RUSC2: variants seen among roughly 807,000 people sequenced by gnomAD.
RUSC2 encodes the protein AP-4 complex accessory subunit RUSC2.
A neutral mutation model predicts 122.2 loss-of-function variants in RUSC2; 34 were observed. The ratio of observed to expected loss-of-function variants is 0.28; its 90% confidence interval spans 0.21 to 0.37. The LOEUF (loss-of-function observed/expected upper bound fraction) is 0.37, where lower values mean the gene tolerates loss of function less well. Among genes scored for constraint, RUSC2 ranks in the 10% least tolerant of loss-of-function variants. The pLI, the probability that RUSC2 is intolerant of heterozygous loss-of-function variation, is 1.00. For missense variants in RUSC2, 1,747 were observed against 1,952.4 expected, an observed-to-expected ratio of 0.89 and a Z score of 1.98; for synonymous variants, 784 against 790.0, an observed-to-expected ratio of 0.99 and a Z score of 0.13.
chr9:35,541,222 T>G (rs1183613683), intron 1 of RUSC2, among the ~76,000 whole-genome samples: 3 of 152,060 alleles, frequency 2.0e-5, no homozygotes, highest in African/African-American at 7.2e-5. Flanking sequence ...TCTACTTTCT[T>G]CTTATTCTGG....
intron 9 of RUSC2, among the ~76,000 whole-genome samples, chr9:35,559,580 C>G (rs1203276333): frequency 1.3e-5 from 2 of 152,134 alleles, no homozygotes; most frequent in African/African-American, 4.8e-5. Context: ...ACTAAAAATT[C>G]AAAAATTAGC....
rs553705342 is a variant in RUSC2, at chr9:35,557,307, A to G, written c.2984-607A>G. On this transcript the variant is annotated intron_variant, in intron 5 of 11. Transcript: ENST00000361226. The surrounding 1 kb of genome is among the most constrained non-coding windows in gnomAD (Gnocchi z 4.6). ...GGAGAAAGAACCCGGGCAAGAAGGG[A>G]AACGGCCACCTTCCTCCAGGACGCG... 6.6e-6 allele frequency among the ~76,000 whole-genome samples: 1 copy of G among 152,152 alleles called. No individual in the cohort carries two copies. Among genetic ancestry groups the G allele is most frequent in the African/African-American group, 2.4e-5 (1 of 41,442 alleles).
At chr9:35,492,969 CT>C (rs1449813217) in intron 1 of RUSC2, among the ~76,000 whole-genome samples, 3 of 151,646 alleles carry the variant, frequency 2.0e-5, no homozygotes, top group Admixed American at 6.6e-5. Context: ...AGCATAATGC[CT>C]TTTTTTGTTT....
Position 35,558,127 on chromosome 9 carries a change from G to A in RUSC2, c.3061-70G>A. 1 of 1,590,916 alleles carries A rather than the reference G, an allele frequency of 6.3e-7. No individual in the cohort carries two copies. The highest frequency in any genetic ancestry group is 8.6e-7 in the Non-Finnish European group (1 of 1,164,842). On this transcript the variant is annotated intron_variant, in intron 6 of 11. Coordinates refer to ENST00000361226, the MANE Select transcript of RUSC2 (RefSeq NM_014806.5). This position sits in a 1 kb window ranked among gnomAD's most constrained non-coding sequence, Gnocchi z 4.3. ...ATGGGGACGGCAAGAGGGGAACCAT[G>A]AGGGCCTGCTACGAGAGGACCACAG... is the stretch of plus-strand genomic sequence containing the variant.
At position 35,510,165 on chromosome 9, in the gene RUSC2, A is replaced by G. The variant is rs755155790; in HGVS notation, c.-93+19993A>G. ...TGGGAATAAAAGTGGAGCTTAACCA[A>G]GAGTATGTTATTGATAGATTCCGGT... is the stretch of plus-strand genomic sequence containing the variant. On this transcript the variant is annotated intron_variant, in intron 1 of 11. Coordinates refer to ENST00000361226, the MANE Select transcript of RUSC2 (RefSeq NM_014806.5). Among the ~76,000 whole-genome samples, 52 of 152,242 alleles carry G rather than the reference A, an allele frequency of 3.4e-4. 1 individual carries two copies. Among genetic ancestry groups the G allele is most frequent in the Admixed American group, 2.5e-3 (38 of 15,282 alleles).
Position 35,561,600 on chromosome 9 carries a change from C to A in RUSC2, c.*218C>A. 1.7e-6 allele frequency: 1 copy of A among 585,724 alleles called. No individual in the cohort carries two copies. The highest frequency in any genetic ancestry group is 3.0e-6 in the Non-Finnish European group (1 of 332,584). 36.3% of individuals were successfully genotyped at this position (585,724 alleles called of 1,614,324 possible). A position where few individuals can be genotyped will look rare whatever the true frequency, so the allele number is the denominator to read the frequency against. ...CTCCACCCAGGAGAGGGATGGGACA[C>A]AGCACTGGGCTGCCAGGATTCCCCT... On this transcript the variant is annotated 3_prime_UTR_variant, in exon 12 of 12. Transcript: ENST00000361226.
At chr9:35,526,628 T>C (rs1437927253) in intron 1 of RUSC2, among the ~76,000 whole-genome samples, 1 of 152,178 alleles carries the variant, frequency 6.6e-6, no homozygotes, top group African/African-American at 2.4e-5. Context: ...CAGATTTTAC[T>C]TGGTGTGGGG....
chr9:35,495,783 C>T (rs1182986620), intron 1 of RUSC2, among the ~76,000 whole-genome samples: 1 of 152,084 alleles, frequency 6.6e-6, no homozygotes, highest in Non-Finnish European at 1.5e-5. Context: ...CTAATGATAG[C>T]AAGTTTTCCA....
intron 1 of RUSC2, among the ~76,000 whole-genome samples, chr9:35,525,581 C>T (rs1048995235): frequency 6.6e-6 from 1 of 152,112 alleles, no homozygotes; most frequent in Non-Finnish European, 1.5e-5. Flanking sequence ...AGGCGGATCA[C>T]CTGAGGCCAG....
chr9:35,494,449 G>A (rs1820633731), intron 1 of RUSC2, among the ~76,000 whole-genome samples: 1 of 152,130 alleles, frequency 6.6e-6, no homozygotes, highest in South Asian at 2.1e-4. Context: ...GAGTGACAGA[G>A]CAAAACTCCA....
chr9:35,558,044 CG>C lies in RUSC2; in HGVS notation c.3060+55del. On this transcript the variant is annotated intron_variant, in intron 6 of 11. Transcript: ENST00000361226. This position sits in a 1 kb window ranked among gnomAD's most constrained non-coding sequence, Gnocchi z 4.3. Reference sequence around the variant, plus strand: ...TCTGCCTGCAAGCCCTCACCTGTCCCGCGCTACCACCTTCCCTTGCTGTCTT... The same window carrying C: ...TCTGCCTGCAAGCCCTCACCTGTCCCCGCTACCACCTTCCCTTGCTGTCTT... 1 of 1,585,528 alleles carries C rather than the reference CG, an allele frequency of 6.3e-7. No homozygotes were observed. Among genetic ancestry groups the C allele is most frequent in the African/African-American group, 1.3e-5 (1 of 74,438 alleles).
At chr9:35,522,717 G>C (rs1821239604) in intron 1 of RUSC2, among the ~76,000 whole-genome samples, 1 of 152,194 alleles carries the variant, frequency 6.6e-6, no homozygotes, top group Non-Finnish European at 1.5e-5. Flanking sequence ...TCAGAGAATA[G>C]AGTACAGTAT....
At chr9:35,497,882 A>G (rs1266845819) in intron 1 of RUSC2, among the ~76,000 whole-genome samples, 2 of 152,196 alleles carry the variant, frequency 1.3e-5, no homozygotes, top group Non-Finnish European at 2.9e-5. Context: ...TCACACTTAG[A>G]CGGAACTTTG....
intron 1 of RUSC2, among the ~76,000 whole-genome samples, chr9:35,523,981 TTATTA>T (rs1038194080): frequency 6.6e-6 from 1 of 152,064 alleles, no homozygotes; most frequent in African/African-American, 2.4e-5. Context: ...AGGGAAATCT[TTATTA>T]TGTTAGAATG....
intron 1 of RUSC2, among the ~76,000 whole-genome samples, chr9:35,502,348 G>GCCA (rs1820832865): frequency 6.6e-6 from 1 of 152,062 alleles, no homozygotes; most frequent in South Asian, 2.1e-4. Flanking sequence ...GTCAAATAGT[G>GCCA]CCACTGTCTA....
intron 1 of RUSC2, among the ~76,000 whole-genome samples, chr9:35,522,702 C>G (rs1212517887): frequency 2.6e-5 from 4 of 152,132 alleles, no homozygotes; most frequent in Admixed American, 2.6e-4. Flanking sequence ...CAGGATAATT[C>G]TAGATCAGAG....
chr9:35,558,136 C>G lies in RUSC2; in HGVS notation c.3061-61C>G. On this transcript the variant is annotated intron_variant, in intron 6 of 11. Coordinates refer to ENST00000361226, the MANE Select transcript of RUSC2 (RefSeq NM_014806.5). This position sits in a 1 kb window ranked among gnomAD's most constrained non-coding sequence, Gnocchi z 4.3. ...GCAAGAGGGGAACCATGAGGGCCTG[C>G]TACGAGAGGACCACAGTCAGGCCTG... 6.3e-7 allele frequency: 1 copy of G among 1,591,628 alleles called. No individual in the cohort carries two copies.
chr9:35,507,859 A>T (rs1301262083), intron 1 of RUSC2: 1 of 211,492 alleles, frequency 4.7e-6, no homozygotes, highest in Non-Finnish European at 1.0e-5. Flanking sequence ...ATAAGTGAAA[A>T]GGCCAAGTGA....
At chr9:35,514,144 C>A (rs1048579845) in intron 1 of RUSC2, among the ~76,000 whole-genome samples, 3 of 151,926 alleles carry the variant, frequency 2.0e-5, no homozygotes, top group African/African-American at 7.3e-5. Flanking sequence ...AGACAGGGTT[C>A]CTGCCCCATG....
Sources: allele counts gnomAD v4.1 joint callset (sites outside exome capture counted in the v4.1 genomes callset), GRCh38; gene constraint gnomAD v4.1.1; non-coding constraint Gnocchi (gnomAD v3.1); transcripts MANE v1.5; gene names NCBI Gene and HGNC (gene_info 2026-07-23, HGNC 2026-07-21).